The following THSD7A variants were observed in gnomAD, a reference collection of about 807,000 sequenced individuals.
THSD7A encodes thrombospondin type-1 domain-containing protein 7A.
Under a neutral mutation model 231.3 loss-of-function variants are expected in THSD7A, and 96 were observed. That is an observed-to-expected ratio of 0.41 (90% CI 0.35 to 0.49). THSD7A has a LOEUF of 0.49. Ranked by LOEUF, THSD7A falls within the 20% of genes least tolerant of loss-of-function variation. THSD7A has a pLI of 0.05. For synonymous variants in THSD7A, 940 were observed against 743.3 expected (o/e 1.26, Z -4.30); for missense variants, 2,290 against 2,070.2 (o/e 1.11, Z -2.06).
At chr7:11,723,356 AG>A (rs979852654) in intron 1 of THSD7A, among the ~76,000 whole-genome samples, 47 of 151,682 alleles carry the variant, frequency 3.1e-4, no homozygotes, top group African/African-American at 1.1e-3. Flanking sequence ...GGATAGCATT[AG>A]GTGGTATACC....
chr7:11,626,061 T>C (rs553167914), intron 2 of THSD7A, among the ~76,000 whole-genome samples: 2 of 152,142 alleles, frequency 1.3e-5, no homozygotes, highest in Non-Finnish European at 2.9e-5. Flanking sequence ...TTCAAGTTCA[T>C]GTGGAGGATG....
At chr7:11,376,901 A>G (rs1311668082) in intron 26 of THSD7A, 3 of 324,672 alleles carry the variant, frequency 9.2e-6, no homozygotes, top group African/African-American at 6.4e-5. Context: ...TCAGATTTCA[A>G]GTTTCTTTGG....
In THSD7A at chr7:11,777,872, G is replaced by A. The variant is rs988596069; in HGVS notation, c.190+53885C>T. On this transcript the variant is annotated intron_variant, in intron 1 of 27. Coordinates refer to ENST00000423059, the MANE Select transcript of THSD7A (RefSeq NM_015204.3). ...CTTCTACAGAAAGAAAGCCCTGGCCGGGAGCGGTGGCTCACGCCTGTAATC... is the reference window on the plus strand; with the variant it reads ...CTTCTACAGAAAGAAAGCCCTGGCCAGGAGCGGTGGCTCACGCCTGTAATC... Among the ~76,000 whole-genome samples the A allele has an allele frequency of 6.6e-5, 10 of 151,938 alleles. 1 individual carries two copies. Among genetic ancestry groups the A allele is most frequent in the Admixed American group, 4.6e-4 (7 of 15,278 alleles).
chr7:11,467,242 C>T (rs1785746461), intron 9 of THSD7A, among the ~76,000 whole-genome samples: 1 of 152,032 alleles, frequency 6.6e-6, no homozygotes, highest in Non-Finnish European at 1.5e-5. Context: ...TCTCTTGTAC[C>T]TCCTTTTCAG....
intron 4 of THSD7A, among the ~76,000 whole-genome samples, chr7:11,564,367 C>A (rs893715405): frequency 1.3e-5 from 2 of 152,200 alleles, no homozygotes; most frequent in Non-Finnish European, 2.9e-5. Context: ...AAGGACTGAG[C>A]CCACCTTGCA....
intron 6 of THSD7A, among the ~76,000 whole-genome samples, chr7:11,532,163 T>A (rs1162313170): frequency 6.6e-6 from 1 of 151,892 alleles, no homozygotes; most frequent in Non-Finnish European, 1.5e-5. Flanking sequence ...ATGAGGCACC[T>A]TCATTGACAT....
At chr7:11,673,597 C>T (rs1783497124) in intron 1 of THSD7A, among the ~76,000 whole-genome samples, 1 of 152,166 alleles carries the variant, frequency 6.6e-6, no homozygotes, top group South Asian at 2.1e-4. Flanking sequence ...GACTGCCTGC[C>T]TGGCCACTCC....
intron 23 of THSD7A, among the ~76,000 whole-genome samples, chr7:11,388,198 G>T (rs1782838096): frequency 6.6e-6 from 1 of 151,826 alleles, no homozygotes; most frequent in African/African-American, 2.4e-5. Context: ...TCAGGATGAT[G>T]ATGGCCTCAT....
intron 2 of THSD7A, among the ~76,000 whole-genome samples, chr7:11,599,476 C>T (rs552158653): frequency 1.3e-5 from 2 of 152,308 alleles, no homozygotes; most frequent in East Asian, 1.9e-4. Flanking sequence ...TATGTATACA[C>T]TTGTACTAAG....
intron 19 of THSD7A, among the ~76,000 whole-genome samples, chr7:11,408,906 T>A (rs2115376357): frequency 6.6e-6 from 1 of 152,272 alleles, no homozygotes; most frequent in South Asian, 2.1e-4. Context: ...GAGATAGGAA[T>A]CTTGAGGTGA....
intron 4 of THSD7A, among the ~76,000 whole-genome samples, chr7:11,578,406 C>T (rs1791012120): frequency 6.6e-6 from 1 of 152,070 alleles, no homozygotes; most frequent in African/African-American, 2.4e-5. Flanking sequence ...AATTAAATGT[C>T]CAGGAAGTCA....
chr7:11,782,652 A>G (rs965337043), intron 1 of THSD7A, among the ~76,000 whole-genome samples: 1 of 152,162 alleles, frequency 6.6e-6, no homozygotes, highest in African/African-American at 2.4e-5. Context: ...CTGTTTTAAT[A>G]TTACCTTAAA....
chr7:11,426,404 G>A (rs879835753), intron 15 of THSD7A, among the ~76,000 whole-genome samples: 3 of 152,104 alleles, frequency 2.0e-5, no homozygotes, highest in Non-Finnish European at 2.9e-5. Context: ...CGAGATTAGC[G>A]AAGTGAAACT....
intron 4 of THSD7A, among the ~76,000 whole-genome samples, chr7:11,548,678 T>C (rs190928683): frequency 1.7e-3 from 254 of 152,242 alleles, no homozygotes; most frequent in African/African-American, 4.4e-3. Flanking sequence ...AAGTTGGCTT[T>C]ATTCCTGGGA....
intron 1 of THSD7A, among the ~76,000 whole-genome samples, chr7:11,706,630 C>CTTTTTTTTGTTTTTTTTTTTTTTT (rs1780776840): frequency 1.5e-5 from 1 of 66,420 alleles, no homozygotes; most frequent in Non-Finnish European, 2.7e-5. Context: ...TAACAAGGTG[C>CTTTTTTTTGTTTTTTTTTTTTTTT]TTTTTTTTTT....
intron 4 of THSD7A, among the ~76,000 whole-genome samples, chr7:11,576,781 C>T (rs1463019373): frequency 1.3e-5 from 2 of 152,162 alleles, no homozygotes; most frequent in African/African-American, 4.8e-5. Context: ...AAAGGGCTTA[C>T]ATTATACTTT....
intron 4 of THSD7A, among the ~76,000 whole-genome samples, chr7:11,565,951 G>C (rs900088907): frequency 5.9e-5 from 9 of 152,110 alleles, no homozygotes; most frequent in African/African-American, 2.2e-4. Flanking sequence ...GGAGTTTTCA[G>C]TACTTCTGGG....
intron 4 of THSD7A, among the ~76,000 whole-genome samples, chr7:11,560,378 C>T (rs1332347025): frequency 6.6e-6 from 1 of 152,064 alleles, no homozygotes; most frequent in African/African-American, 2.4e-5. Context: ...ACATGAACAA[C>T]TTCATAGGGC....
chr7:11,485,352 T>C (rs979940332), intron 6 of THSD7A, among the ~76,000 whole-genome samples: 2 of 152,220 alleles, frequency 1.3e-5, no homozygotes, highest in Admixed American at 1.3e-4. Flanking sequence ...ACTTCATACC[T>C]AATAGCATTT....
Sources: gnomAD v4.1 joint callset for allele counts (sites outside exome capture counted in the v4.1 genomes callset) on GRCh38, gnomAD v4.1.1 for gene constraint, MANE v1.5 for transcripts, NCBI Gene and HGNC (gene_info 2026-07-23, HGNC 2026-07-21) for gene names.